Variants in KDM4B observed in about 807,000 individuals in gnomAD.
KDM4B encodes the protein lysine demethylase 4B.
A neutral mutation model predicts 125.2 loss-of-function variants in KDM4B; 32 were observed. The observed-to-expected ratio is 0.26, with a 90% CI of 0.19 to 0.34. KDM4B has a LOEUF of 0.34. Among genes scored for constraint, KDM4B ranks in the 10% least tolerant of loss-of-function variants. The pLI, the probability that KDM4B is intolerant of heterozygous loss-of-function variation, is 1.00. For missense variants in KDM4B, 1,190 were observed against 1,577.7 expected (o/e 0.75, Z 4.16); for synonymous variants, 721 against 677.9 (o/e 1.06, Z -0.99).
In KDM4B at chr19:5,059,476, C is replaced by T. The variant is rs112800622; in HGVS notation, c.627-11534C>T. ...AACCCGTGTGTGAGCCAAACCCTCC[C>T]GGAGCTCCAGAGCCCAGCCCGGGTC... On this transcript the variant is annotated intron_variant, in intron 6 of 22. Coordinates refer to ENST00000159111, the MANE Select transcript of KDM4B (RefSeq NM_015015.3). 1.8e-3 allele frequency among the ~76,000 whole-genome samples: 272 copies of T among 152,338 alleles called. 3 individuals are homozygous for T. Among genetic ancestry groups the T allele is most frequent in the African/African-American group, 6.0e-3 (250 of 41,578 alleles).
chr19:4,972,498 A>G (rs1386147344), intron 1 of KDM4B, among the ~76,000 whole-genome samples: 2 of 152,134 alleles, frequency 1.3e-5, no homozygotes, highest in Non-Finnish European at 2.9e-5. Flanking sequence ...GGGCTGGGAC[A>G]TTCTGTGGCG....
At chr19:4,992,580 TG>T (rs2035063788) in intron 1 of KDM4B, among the ~76,000 whole-genome samples, 1 of 152,232 alleles carries the variant, frequency 6.6e-6, no homozygotes, top group African/African-American at 2.4e-5. Context: ...ACCAAGTAGC[TG>T]GGACCAGAGG....
At chr19:5,002,061 A>T (rs1473442329) in intron 1 of KDM4B, among the ~76,000 whole-genome samples, 2 of 151,318 alleles carry the variant, frequency 1.3e-5, no homozygotes, top group Admixed American at 1.3e-4. Context: ...GCAGTGGCAC[A>T]ATCTCAGCTC....
chr19:5,104,025 C>T (rs1018520350), intron 9 of KDM4B, among the ~76,000 whole-genome samples: 3 of 152,238 alleles, frequency 2.0e-5, no homozygotes, highest in Admixed American at 6.5e-5. Context: ...GGGCCCTCCC[C>T]ACGGCTGCCT....
At chr19:4,981,203 C>G (rs1238205585) in intron 1 of KDM4B, among the ~76,000 whole-genome samples, 1 of 152,102 alleles carries the variant, frequency 6.6e-6, no homozygotes, top group African/African-American at 2.4e-5. Flanking sequence ...GCAGCGTGGC[C>G]CCAGCTGACC....
chr19:5,102,427 C>T (rs2038955134), intron 9 of KDM4B, among the ~76,000 whole-genome samples: 1 of 152,134 alleles, frequency 6.6e-6, no homozygotes, highest in Non-Finnish European at 1.5e-5. Flanking sequence ...TTCTAGGGGT[C>T]CTCCCTTGAA....
intron 7 of KDM4B, among the ~76,000 whole-genome samples, chr19:5,072,688 C>T (rs1420697664): frequency 2.0e-5 from 3 of 152,236 alleles, no homozygotes; most frequent in Non-Finnish European, 2.9e-5. Flanking sequence ...CCTGAGGCTC[C>T]TGTAACAAAT....
intron 1 of KDM4B, among the ~76,000 whole-genome samples, chr19:5,002,393 TTCCTTTCCTTTCTCTC>T: frequency 6.6e-6 from 1 of 152,152 alleles, no homozygotes; most frequent in South Asian, 2.1e-4. Context: ...TCTTTCTCCT[TTCCTTTCCTTTCTCTC>T]TCCTTTCTCT....
intron 1 of KDM4B, among the ~76,000 whole-genome samples, chr19:4,989,101 A>T (rs995280447): frequency 3.3e-5 from 5 of 152,118 alleles, no homozygotes; most frequent in African/African-American, 9.7e-5. Flanking sequence ...TGATGAGAGG[A>T]CGGGAGGGTG....
At chr19:5,010,671 A>G (rs568577599) in intron 1 of KDM4B, among the ~76,000 whole-genome samples, 1 of 152,282 alleles carries the variant, frequency 6.6e-6, no homozygotes, top group African/African-American at 2.4e-5. Flanking sequence ...TTTTTGAGAC[A>G]GAGTCTCACT....
At chr19:5,001,109 G>A (rs2035370111) in intron 1 of KDM4B, among the ~76,000 whole-genome samples, 1 of 151,280 alleles carries the variant, frequency 6.6e-6, no homozygotes, top group African/African-American at 2.4e-5. Context: ...ACAGCTCGTT[G>A]CAGCCTTCAC....
chr19:5,054,704 G>A (rs530296194), intron 6 of KDM4B, among the ~76,000 whole-genome samples: 23 of 152,344 alleles, frequency 1.5e-4, no homozygotes, highest in Non-Finnish European at 3.1e-4. Flanking sequence ...CATTGCAGCC[G>A]TGTGGCCTAG....
intron 1 of KDM4B, among the ~76,000 whole-genome samples, chr19:4,981,979 T>C (rs1199037411): frequency 6.6e-6 from 1 of 152,158 alleles, no homozygotes; most frequent in Non-Finnish European, 1.5e-5. Flanking sequence ...TGAGAACATG[T>C]TACTAAAACG....
intron 1 of KDM4B, among the ~76,000 whole-genome samples, chr19:4,981,750 G>A (rs1194718265): frequency 6.6e-6 from 1 of 152,280 alleles, no homozygotes; most frequent in South Asian, 2.1e-4. Context: ...CTCTCCCTGT[G>A]GGGACAGTGA....
chr19:5,024,942 C>T (rs2036233234), intron 2 of KDM4B, among the ~76,000 whole-genome samples: 1 of 152,208 alleles, frequency 6.6e-6, no homozygotes, highest in South Asian at 2.1e-4. Context: ...GAGCGAGACT[C>T]CGTCTCAAAA....
chr19:5,066,402 C>G (rs3826929), intron 6 of KDM4B, among the ~76,000 whole-genome samples: 3 of 152,092 alleles, frequency 2.0e-5, no homozygotes, highest in Non-Finnish European at 4.4e-5. Flanking sequence ...ATGTGTCTCC[C>G]CATGGGCCTA....
At chr19:4,980,347 C>CTTCT (rs1446853954) in intron 1 of KDM4B, among the ~76,000 whole-genome samples, 1 of 151,542 alleles carries the variant, frequency 6.6e-6, no homozygotes, top group African/African-American at 2.4e-5. Flanking sequence ...TTGTGTCTGG[C>CTTCT]TTCTCTCAGT....
At chr19:5,047,436 G>A in intron 5 of KDM4B, 40 bp from the exon 6 acceptor site, 1 of 1,561,962 alleles carries the variant, frequency 6.4e-7, no homozygotes, top group Non-Finnish European at 8.7e-7. Flanking sequence ...GGTTCTGGGG[G>A]TGGCCGGGCG....
At chr19:4,995,755 C>G (rs2035179693) in intron 1 of KDM4B, among the ~76,000 whole-genome samples, 1 of 151,906 alleles carries the variant, frequency 6.6e-6, no homozygotes, top group Admixed American at 6.6e-5. Flanking sequence ...CAGGCTGGCT[C>G]CCTTTAAATA....
Sources: gnomAD v4.1 joint callset for allele counts (sites outside exome capture counted in the v4.1 genomes callset) on GRCh38, gnomAD v4.1.1 for gene constraint, MANE v1.5 for transcripts, NCBI Gene and HGNC (gene_info 2026-07-23, HGNC 2026-07-21) for gene names.